The following ATOH8 variants were observed in gnomAD, a reference collection of about 807,000 sequenced individuals.
ATOH8 encodes the protein atonal bHLH transcription factor 8, also known as transcription factor ATOH8.
ATOH8 carries 9 observed loss-of-function variants against 21.2 expected under a neutral mutation model. That is an observed-to-expected ratio of 0.42 (90% CI 0.26 to 0.74). The LOEUF is 0.74. ATOH8 is among the 30% of genes least tolerant of loss of function. The pLI is 0.24. For synonymous variants in ATOH8, 253 were observed against 224.0 expected (o/e 1.13, Z -1.16); for missense variants, 524 against 470.9 (o/e 1.11, Z -1.04).
At chr2:85,758,885 G>A (rs1351791752) in intron 1 of ATOH8, among the ~76,000 whole-genome samples, 2 of 152,234 alleles carry the variant, frequency 1.3e-5, no homozygotes, top group Non-Finnish European at 2.9e-5. Context: ...GGCCTTGAGG[G>A]GTGGTGAGGG....
intron 2 of ATOH8, among the ~76,000 whole-genome samples, chr2:85,770,696 A>AGCCAC (rs1680158544): frequency 4.6e-5 from 7 of 152,070 alleles, no homozygotes; most frequent in Non-Finnish European, 8.8e-5. Context: ...CTGAACGTGG[A>AGCCAC]CCGTGCCTCT....
chr2:85,771,759 T>C lies in ATOH8; in HGVS notation c.960+7577T>C, dbSNP rs147167145. ...CTGCCACCACCAAGCACATCAACCATGTGGTGAGTGCCATTGTGTCCCCTT... is the reference window on the plus strand; with the variant it reads ...CTGCCACCACCAAGCACATCAACCACGTGGTGAGTGCCATTGTGTCCCCTT... On this transcript the variant is annotated intron_variant, in intron 2 of 2. Coordinates refer to ENST00000306279, the MANE Select transcript of ATOH8 (RefSeq NM_032827.7). Among the ~76,000 whole-genome samples the C allele has an allele frequency of 2.8e-4, 43 of 152,286 alleles. No individual in the cohort carries two copies. In the East Asian group the frequency reaches 6.2e-3, roughly 22 times the overall value.
chr2:85,773,959 G>A, intron 2 of ATOH8: 1 of 414,250 alleles, frequency 2.4e-6, no homozygotes, highest in Non-Finnish European at 3.2e-6. Flanking sequence ...TGGTTTGGAT[G>A]CTGGAGCTGG....
chr2:85,778,857 A>C (rs1033010266), intron 2 of ATOH8, among the ~76,000 whole-genome samples: 1 of 152,190 alleles, frequency 6.6e-6, no homozygotes, highest in African/African-American at 2.4e-5. Context: ...TGTAAGGATC[A>C]TAAGTCAGGC....
At position 85,754,672 on chromosome 2, in the gene ATOH8, G is replaced by T; in HGVS notation, c.483G>T (p.Ala161=). 6.4e-7 allele frequency: 1 copy of T among 1,557,628 alleles called. No homozygotes were observed. ...RPRILLCAPP[A]RPAPSAPPAP... ...GCATCTTGCTGTGCGCACCGCCCGC[G>T]CGCCCCGCGCCGTCAGCACCCCCAG... Residue 161 remains alanine (A), a synonymous_variant, in exon 1 of 3, where the codon GCG becomes GCT. Transcript: ENST00000306279.
In ATOH8 at chr2:85,789,750, G is replaced by A. The variant is rs907249761; in HGVS notation, c.*2860G>A. Among the ~76,000 whole-genome samples, 5 of 152,144 alleles carry A rather than the reference G, an allele frequency of 3.3e-5. No individual in the cohort carries two copies. Among genetic ancestry groups the A allele is most frequent in the African/African-American group, 9.7e-5 (4 of 41,420 alleles). On this transcript the variant is annotated 3_prime_UTR_variant, in exon 3 of 3. Coordinates refer to ENST00000306279, the MANE Select transcript of ATOH8 (RefSeq NM_032827.7). ...TTAATGTGCAGGCAAGGTTGAAGCC[G>A]CTGGTCTAAGTGGGGTCTGGTCTAC...
chr2:85,763,982 T>A lies in ATOH8; in HGVS notation c.769-9T>A. On this transcript the variant is annotated splice_polypyrimidine_tract_variant and intron_variant, in intron 1 of 2. Transcript: ENST00000306279. ...CCCTGCAGCCCCTCCTGACGCCTTC[T>A]CCCCTCAGGTGCCGTGCTACTCATA... is the stretch of plus-strand genomic sequence containing the variant. 1 of 1,612,044 alleles carries A rather than the reference T, an allele frequency of 6.2e-7. No homozygotes were observed. Among genetic ancestry groups the A allele is most frequent in the Non-Finnish European group, 8.5e-7 (1 of 1,178,724 alleles).
In ATOH8 at chr2:85,754,813, G is replaced by A. The variant is rs1239891098; in HGVS notation, c.624G>A (p.Ala208=). 6.2e-7 allele frequency: 1 copy of A among 1,612,838 alleles called. No homozygotes were observed. Among genetic ancestry groups the A allele is most frequent in the African/African-American group, 1.3e-5 (1 of 75,060 alleles). Residue 208 remains alanine (A), a synonymous_variant, in exon 1 of 3, where the codon GCG becomes GCA. Coordinates refer to ENST00000306279, the MANE Select transcript of ATOH8 (RefSeq NM_032827.7). ...VIYNNHQDSS[A]SPRKRPGEAT... ...ACAATAACCACCAGGATTCCTCCGC[G>A]TCGCCTAGGAAACGACCGGGCGAAG...
chr2:85,767,341 C>T (rs1489586309), intron 2 of ATOH8, among the ~76,000 whole-genome samples: 1 of 151,876 alleles, frequency 6.6e-6, no homozygotes, highest in Non-Finnish European at 1.5e-5. Flanking sequence ...TGAGAGCATG[C>T]ACTGCTCACA....
rs183399184 is a variant in ATOH8, at chr2:85,789,670, A to G, written c.*2780A>G. On this transcript the variant is annotated 3_prime_UTR_variant, in exon 3 of 3. Transcript: ENST00000306279. ...ATTTCATCTCCAGAAATTCTGATGT[A>G]TTGGTCTAGGGTGTTGCCTGGTCAT... is the stretch of plus-strand genomic sequence containing the variant. Among the ~76,000 whole-genome samples the G allele has an allele frequency of 7.9e-5, 12 of 152,294 alleles. No individual in the cohort carries two copies. In the East Asian group the frequency reaches 2.3e-3, roughly 29 times the overall value.
chr2:85,754,480 G>A lies in ATOH8; in HGVS notation c.291G>A (p.Gly97=). The A allele has an allele frequency of 6.9e-7, 1 of 1,446,064 alleles. No homozygotes were observed. The highest frequency in any genetic ancestry group is 1.5e-5 in the South Asian group (1 of 68,758). 89.6% of individuals were successfully genotyped at this position (1,446,064 alleles called of 1,614,324 possible). A position where few individuals can be genotyped will look rare whatever the true frequency, so the allele number is the denominator to read the frequency against. ...RGGTDTAGER[G]GSRAPEVSDA... ...GCACGGACACAGCCGGGGAGCGCGG[G>A]GGCTCTCGGGCGCCCGAGGTCTCCG... Residue 97 remains glycine (G), a synonymous_variant, in exon 1 of 3, where the codon GGG becomes GGA. Coordinates refer to ENST00000306279, the MANE Select transcript of ATOH8 (RefSeq NM_032827.7).
In ATOH8 at chr2:85,764,045, G is replaced by A. The variant is rs1175424999; in HGVS notation, c.823G>A (p.Ala275Thr). Residue 275 changes from alanine (A) to threonine (T), a missense_variant, in exon 2 of 3, where the codon GCC becomes ACC. Ala to Thr is a moderately conservative substitution (Grantham distance 58, BLOSUM62 0). Coordinates refer to ENST00000306279, the MANE Select transcript of ATOH8 (RefSeq NM_032827.7). Reference sequence around the variant, plus strand: ...GTCCAAACTGGCCATCCTGAGGATCGCCTGTAACTACATCCTGTCCCTGGC... The same window carrying A: ...GTCCAAACTGGCCATCCTGAGGATCACCTGTAACTACATCCTGTCCCTGGC... ...KLSKLAILRI[A>T]CNYILSLARL... The A allele has an allele frequency of 3.7e-6, 6 of 1,614,150 alleles. No individual in the cohort carries two copies. Among genetic ancestry groups the A allele is most frequent in the South Asian group, 1.1e-5 (1 of 91,078 alleles).
At chr2:85,780,826 C>A in intron 2 of ATOH8, 1 of 967,622 alleles carries the variant, frequency 1.0e-6, no homozygotes, top group Non-Finnish European at 1.2e-6. Flanking sequence ...CAGCACTATC[C>A]TCGATTCATG....
At chr2:85,771,261 C>T (rs960406289) in intron 2 of ATOH8, among the ~76,000 whole-genome samples, 16 of 152,080 alleles carry the variant, frequency 1.1e-4, no homozygotes, top group Admixed American at 3.9e-4. Flanking sequence ...CTGTCACTCT[C>T]GCTCTGTGGC....
At chr2:85,767,053 T>G (rs1164752140) in intron 2 of ATOH8, among the ~76,000 whole-genome samples, 2 of 152,072 alleles carry the variant, frequency 1.3e-5, no homozygotes, top group East Asian at 3.9e-4. Context: ...TTGGGGGGCT[T>G]GAGATGGCAT....
chr2:85,772,532 C>T (rs1680214070), intron 2 of ATOH8: 2 of 363,938 alleles, frequency 5.5e-6, no homozygotes, highest in South Asian at 4.2e-5. Context: ...CACTCAGTCA[C>T]CACAGGCCTT....
In ATOH8 at chr2:85,754,150, C is replaced by T. The variant is rs766810062; in HGVS notation, c.-40C>T. The T allele has an allele frequency of 2.4e-5, 34 of 1,438,292 alleles. No homozygotes were observed. Among genetic ancestry groups the T allele is most frequent in the Non-Finnish European group, 3.0e-5 (33 of 1,103,836 alleles). 89.1% of individuals were successfully genotyped at this position (1,438,292 alleles called of 1,614,324 possible). On this transcript the variant is annotated 5_prime_UTR_variant, in exon 1 of 3. Transcript: ENST00000306279. ...CTCGGCGCTGAGCGCGGCGGCGGCCCGGGCAGCCCCACGCCCCTGCCTCGC... is the reference window on the plus strand; with the variant it reads ...CTCGGCGCTGAGCGCGGCGGCGGCCTGGGCAGCCCCACGCCCCTGCCTCGC...
chr2:85,763,943 GCT>G (rs1679935014), intron 1 of ATOH8, 46 bp from the exon 2 acceptor site: 1 of 1,580,856 alleles, frequency 6.3e-7, no homozygotes, highest in African/African-American at 1.4e-5. Flanking sequence ...TGCCTGCCAG[GCT>G]GGGCACTGCG....
At position 85,764,022 on chromosome 2, in the gene ATOH8, C is replaced by G. The variant is rs140426323; in HGVS notation, c.800C>G (p.Ser267Cys). The part of the protein sequence containing the change: ...VPCYSYGQKL[S>C]KLAILRIACN... ...TGCTACTCATATGGGCAGAAGCTGT[C>G]CAAACTGGCCATCCTGAGGATCGCC... Residue 267 changes from serine to cysteine, a missense_variant, in exon 2 of 3, where the codon TCC becomes TGC. Physicochemically the swap from Ser to Cys is moderately radical, Grantham distance 112 (BLOSUM62 -1). Coordinates refer to ENST00000306279, the MANE Select transcript of ATOH8 (RefSeq NM_032827.7). 39 of 1,614,108 alleles carry G rather than the reference C, an allele frequency of 2.4e-5. No individual in the cohort carries two copies. The African/African-American group carries it at 4.8e-4, about 20-fold the overall frequency.
Sources: allele counts gnomAD v4.1 joint callset (sites outside exome capture counted in the v4.1 genomes callset), GRCh38; gene constraint gnomAD v4.1.1; transcripts MANE v1.5; gene names NCBI Gene and HGNC (gene_info 2026-07-23, HGNC 2026-07-21).